SLC12A2: variants seen among roughly 807,000 people sequenced by gnomAD.
The protein encoded by SLC12A2 is Na-K-2Cl cotransporter 1.
SLC12A2 carries 67 observed loss-of-function variants against 136.3 expected under a neutral mutation model. That is an observed-to-expected ratio of 0.49 (90% CI 0.40 to 0.60). The LOEUF (loss-of-function observed/expected upper bound fraction) is 0.60, where lower values mean the gene tolerates loss of function less well. SLC12A2 is among the 20% of genes least tolerant of loss of function. The probability of loss-of-function intolerance (pLI) is 0.00; values close to 1 mark genes in which losing one functional copy is unlikely to be tolerated. For synonymous variants in SLC12A2, 619 were observed against 562.9 expected (o/e 1.10, Z -1.41); for missense variants, 1,322 against 1,534.7 (o/e 0.86, Z 2.32).
chr5:128,119,696 TA>T (rs770945601), intron 4 of SLC12A2, among the ~76,000 whole-genome samples: 32 of 152,112 alleles, frequency 2.1e-4, no homozygotes, highest in Middle Eastern at 3.2e-3. Context: ...TTACACCTTA[TA>T]AAAAATTAAT....
chr5:128,094,207 C>A (rs1369276027), intron 1 of SLC12A2, among the ~76,000 whole-genome samples: 1 of 150,710 alleles, frequency 6.6e-6, no homozygotes, highest in East Asian at 1.9e-4. Flanking sequence ...TGTGATTGAT[C>A]ACCATTATGT....
In SLC12A2 at chr5:128,178,561, C is replaced by G. The variant is rs972566531; in HGVS notation, c.2978-6C>G. ...CTTACATTTTATATTTTGCTTAATC[C>G]TTTAGAATCCAAAGGCCCTATTGTG... On this transcript the variant is annotated splice_polypyrimidine_tract_variant and splice_region_variant and intron_variant, in intron 21 of 26. Transcript: ENST00000262461. The G allele has an allele frequency of 1.3e-6, 2 of 1,551,098 alleles. No individual in the cohort carries two copies. The highest frequency in any genetic ancestry group is 1.4e-5 in the African/African-American group (1 of 71,426).
intron 16 of SLC12A2, among the ~76,000 whole-genome samples, chr5:128,159,997 A>C (rs928029529): frequency 6.6e-6 from 1 of 152,342 alleles, no homozygotes; most frequent in South Asian, 2.1e-4. Context: ...CCAAATGCCC[A>C]TCAATGATAG....
At chr5:128,132,545 G>A (rs570419088) in intron 5 of SLC12A2, among the ~76,000 whole-genome samples, 1 of 152,156 alleles carries the variant, frequency 6.6e-6, no homozygotes, top group Non-Finnish European at 1.5e-5. Context: ...TGGCTGTATT[G>A]CTCTGGAGTA....
chr5:128,130,491 G>T (rs1761975958), intron 4 of SLC12A2, among the ~76,000 whole-genome samples: 1 of 148,654 alleles, frequency 6.7e-6, no homozygotes, highest in Non-Finnish European at 1.5e-5. Flanking sequence ...CTCCAGCCTG[G>T]GTGACAGAGC....
chr5:128,086,313 T>G (rs921790230), intron 1 of SLC12A2, among the ~76,000 whole-genome samples: 11 of 152,202 alleles, frequency 7.2e-5, no homozygotes, highest in African/African-American at 2.7e-4. Flanking sequence ...TGTGTTTGTG[T>G]TTTTTGCTTG....
chr5:128,181,152 A>G (rs1263951492), intron 23 of SLC12A2, among the ~76,000 whole-genome samples, 158 bp downstream of exon 23: 2 of 152,136 alleles, frequency 1.3e-5, no homozygotes, highest in Admixed American at 1.3e-4. Flanking sequence ...TGTTCTCTTT[A>G]GTCTTCATGT....
At chr5:128,109,921 G>T in intron 1 of SLC12A2, 1 of 815,660 alleles carries the variant, frequency 1.2e-6, no homozygotes, top group Non-Finnish European at 2.2e-6. Context: ...GTGCAGCCTG[G>T]CTACGGGGGA....
At chr5:128,151,796 T>C (rs1399542829) in intron 14 of SLC12A2, among the ~76,000 whole-genome samples, 1 of 152,162 alleles carries the variant, frequency 6.6e-6, no homozygotes, top group Non-Finnish European at 1.5e-5. Context: ...TATAACCTAC[T>C]GTGGTCCTTG....
intron 6 of SLC12A2, among the ~76,000 whole-genome samples, chr5:128,135,029 G>A (rs1762140630): frequency 1.3e-5 from 2 of 152,008 alleles, no homozygotes; most frequent in African/African-American, 4.8e-5. Context: ...TTGACTGTAT[G>A]AAAATAACAG....
At position 128,127,116 on chromosome 5, in the gene SLC12A2, A is replaced by ATTTT. The variant is rs35726459; in HGVS notation, c.1049-3931_1049-3928dup. Among the ~76,000 whole-genome samples the ATTTT allele has an allele frequency of 4.9e-4, 34 of 68,744 alleles. 3 individuals are homozygous for ATTTT. Among genetic ancestry groups the ATTTT allele is most frequent in the South Asian group, 5.4e-4 (1 of 1,844 alleles). The allele number at this position is 68,744 out of a possible 152,430, so 45.1% of individuals were successfully genotyped here. A position where few individuals can be genotyped will look rare whatever the true frequency, so the allele number is the denominator to read the frequency against. On this transcript the variant is annotated intron_variant, in intron 4 of 26. Coordinates refer to ENST00000262461, the MANE Select transcript of SLC12A2 (RefSeq NM_001046.3). ...TGATCATAAGGAATATTGGTCTGGA[A>ATTTT]TTTTTTTTTTTTTTTTTTTTTTTGA... is the stretch of plus-strand genomic sequence containing the variant.
intron 4 of SLC12A2, among the ~76,000 whole-genome samples, chr5:128,118,403 A>C (rs1761433731): frequency 6.6e-6 from 1 of 152,232 alleles, no homozygotes; most frequent in Non-Finnish European, 1.5e-5. Context: ...AAAAGGAATG[A>C]AATAATGGCA....
At chr5:128,145,919 G>A (rs1762516709) in intron 10 of SLC12A2, among the ~76,000 whole-genome samples, 1 of 151,964 alleles carries the variant, frequency 6.6e-6, no homozygotes, top group Non-Finnish European at 1.5e-5. Context: ...GAGAATCTAG[G>A]TGATGATCAC....
At chr5:128,139,987 G>A (rs112365094) in intron 9 of SLC12A2, among the ~76,000 whole-genome samples, 1 of 151,404 alleles carries the variant, frequency 6.6e-6, no homozygotes, top group Non-Finnish European at 1.5e-5. Flanking sequence ...TTTTTTGCTT[G>A]TTTGTTTTTG....
chr5:128,102,310 T>C (rs1378031756), intron 1 of SLC12A2, among the ~76,000 whole-genome samples: 1 of 152,134 alleles, frequency 6.6e-6, no homozygotes, highest in East Asian at 1.9e-4. Flanking sequence ...AGAAATAGAA[T>C]GTTGCTGGCA....
intron 4 of SLC12A2, among the ~76,000 whole-genome samples, chr5:128,123,999 C>T (rs1761685825): frequency 6.6e-6 from 1 of 152,120 alleles, no homozygotes. Flanking sequence ...TATGGATATC[C>T]AGTTATTCCA....
intron 26 of SLC12A2, among the ~76,000 whole-genome samples, chr5:128,185,173 G>T (rs774071193): frequency 7.9e-5 from 12 of 152,094 alleles, no homozygotes; most frequent in Non-Finnish European, 1.3e-4. Context: ...AGCACGTGTG[G>T]ATAGGAGGGT....
In SLC12A2 at chr5:128,171,705, G is replaced by A. The variant is rs371689331; in HGVS notation, c.2762G>A (p.Arg921His). ...ATACAATATGGAGTAGTGGTTATTC[G>A]CCTAAAAGAAGGTCTGGATATATCT... ...FDIQYGVVVIRLKEGLDISHL... is the reference protein window; with the variant it reads ...FDIQYGVVVIHLKEGLDISHL... The change falls in exon 19 of 27, where the codon CGC becomes CAC. Residue 921 changes from arginine to histidine, a missense_variant. Physicochemically the swap from Arg to His is conservative, Grantham distance 29. Transcript: ENST00000262461. 1.3e-5 allele frequency: 20 copies of A among 1,586,372 alleles called. No individual in the cohort carries two copies. Among genetic ancestry groups the A allele is most frequent in the Admixed American group, 5.7e-5 (3 of 52,676 alleles).
Position 128,110,476 on chromosome 5 carries a change from G to A in SLC12A2, c.757-2338G>A, listed in dbSNP as rs1033179971. On this transcript the variant is annotated intron_variant, in intron 1 of 26. Transcript: ENST00000262461. ...TCAGTAGAAACACCCTGAACTCATAGACGCTGCTTTCACCAACTTTTTCTT... is the reference window on the plus strand; with the variant it reads ...TCAGTAGAAACACCCTGAACTCATAAACGCTGCTTTCACCAACTTTTTCTT... 5.8e-6 allele frequency: 8 copies of A among 1,381,660 alleles called. No individual in the cohort carries two copies. In the Admixed American group the frequency reaches 6.7e-5, roughly 12 times the overall value. 85.6% of individuals were successfully genotyped at this position (1,381,660 alleles called of 1,614,324 possible).
Sources: gnomAD v4.1 joint callset for allele counts (sites outside exome capture counted in the v4.1 genomes callset) on GRCh38, gnomAD v4.1.1 for gene constraint, MANE v1.5 for transcripts, NCBI Gene and HGNC (gene_info 2026-07-23, HGNC 2026-07-21) for gene names.